Variants in NLRP14 observed in about 807,000 individuals in gnomAD.
The protein encoded by NLRP14 is NACHT, LRR and PYD domains-containing protein 14.
A neutral mutation model predicts 94.7 loss-of-function variants in NLRP14; 105 were observed. The observed-to-expected ratio is 1.11, with a 90% CI of 0.95 to 1.30. The LOEUF is 1.30. Ranked by LOEUF, NLRP14 falls within the 50% of genes most tolerant of loss-of-function variation. The pLI, the probability that NLRP14 is intolerant of heterozygous loss-of-function variation, is 0.00. For missense variants in NLRP14, 1,362 were observed against 1,254.1 expected, an observed-to-expected ratio of 1.09 and a Z score of -1.30; for synonymous variants, 508 against 459.9, an observed-to-expected ratio of 1.10 and a Z score of -1.34.
In NLRP14 at chr11:7,049,689, C is replaced by A. The variant is rs751072403; in HGVS notation, c.2142C>A (p.Phe714Leu). Residue 714 changes from phenylalanine (F) to leucine (L), a missense_variant, in exon 6 of 12, where the codon TTC becomes TTA. Physicochemically the swap from Phe to Leu is conservative, Grantham distance 22. Coordinates refer to ENST00000299481, the MANE Select transcript of NLRP14 (RefSeq NM_176822.4). The stretch of plus-strand genomic sequence containing the variant: ...TCTGAAGGTTGAAATTTATCACTTT[C>A]CCTGATGGTTGTCAGGATATCTCTA... Reference protein sequence around the residue: ...LQKLLLKFITFPDGCQDISTS... With the variant: ...LQKLLLKFITLPDGCQDISTS... 4 of 1,612,422 alleles carry A rather than the reference C, an allele frequency of 2.5e-6. No individual in the cohort carries two copies. Among genetic ancestry groups the A allele is most frequent in the South Asian group, 1.1e-5 (1 of 91,064 alleles).
downstream of NLRP14, among the ~76,000 whole-genome samples, chr11:7,076,147 C>T (rs1230948946): frequency 3.9e-5 from 6 of 152,108 alleles, no homozygotes; most frequent in Non-Finnish European, 8.8e-5. Flanking sequence ...GATATTTTTG[C>T]ACTAACTTTT....
At chr11:7,039,872 A>C (rs1852221872) in intron 3 of NLRP14, 87 bp downstream of exon 3, 1 of 1,048,584 alleles carries the variant, frequency 9.5e-7, no homozygotes. Context: ...ACTTTTGTTC[A>C]AATCTTGTTA....
Position 7,042,684 on chromosome 11 carries a change from G to T in NLRP14, c.658G>T (p.Glu220Ter), listed in dbSNP as rs748138495. ...GTATGTTTTTTATCTCAATGGGAGAGAAATTAACCAGCTGAAAGAGAGAAG... is the reference window on the plus strand; with the variant it reads ...GTATGTTTTTTATCTCAATGGGAGATAAATTAACCAGCTGAAAGAGAGAAG... ...FKYVFYLNGR[E>*]INQLKERSFA... Residue 220 changes from glutamate to a stop codon, truncating the protein, a stop_gained, in exon 4 of 12, where the codon GAA (glutamate) becomes TAA (stop). Transcript: ENST00000299481. LOFTEE classifies it high-confidence loss of function. The T allele has an allele frequency of 1.6e-5, 26 of 1,614,106 alleles. No individual in the cohort carries two copies. The highest frequency in any genetic ancestry group is 1.6e-5 in the Non-Finnish European group (19 of 1,180,038).
Position 7,038,639 on chromosome 11 carries a change from A to G in NLRP14, c.53A>G (p.Tyr18Cys), listed in dbSNP as rs975824900. ...SFFPDFGLLL[Y>C]LEELNKEELN... ...TTTCCTGATTTTGGGCTGCTATTGT[A>G]TTTGGAGGAGCTAAACAAAGAGGAA... The change falls in exon 2 of 12, where the codon TAT becomes TGT. Residue 18 changes from tyrosine to cysteine, a missense_variant. Transcript: ENST00000299481. 1 of 1,613,810 alleles carries G rather than the reference A, an allele frequency of 6.2e-7. No individual in the cohort carries two copies. Among genetic ancestry groups the G allele is most frequent in the Non-Finnish European group, 8.5e-7 (1 of 1,179,898 alleles).
In NLRP14 at chr11:7,071,486, G is replaced by A. The variant is rs552153953; in HGVS notation, c.*178G>A. Among the ~76,000 whole-genome samples, 2 of 149,878 alleles carry A rather than the reference G, an allele frequency of 1.3e-5. No homozygotes were observed. The highest frequency in any genetic ancestry group is 3.0e-5 in the Non-Finnish European group (2 of 67,650). On this transcript the variant is annotated 3_prime_UTR_variant, in exon 12 of 12. Transcript: ENST00000299481. ...AATGTCTGTTCTACTTCACACAGTG[G>A]TCGAGAGGCTAAAATAAAATGAAAA...
chr11:7,085,665 T>C, the NLRP14 span, among the ~76,000 whole-genome samples: 5 of 150,394 alleles, frequency 3.3e-5, no homozygotes, highest in Non-Finnish European at 7.4e-5. Context: ...AAGTCCCTGA[T>C]ATAAAATTAT....
chr11:7,052,778 A>C (rs1418609537), intron 6 of NLRP14, among the ~76,000 whole-genome samples: 1 of 152,208 alleles, frequency 6.6e-6, no homozygotes, highest in East Asian at 1.9e-4. Context: ...CTTCTTCAGG[A>C]GTGAGGAAAC....
chr11:7,043,906 G>A lies in NLRP14; in HGVS notation c.1880G>A (p.Cys627Tyr). The A allele has an allele frequency of 6.2e-7, 1 of 1,614,134 alleles. No homozygotes were observed. The highest frequency in any genetic ancestry group is 8.5e-7 in the Non-Finnish European group (1 of 1,179,982). Residue 627 changes from cysteine (C) to tyrosine (Y), a missense_variant, in exon 4 of 12, where the codon TGT (cysteine) becomes TAT (tyrosine). By Grantham distance (194) the Cys-to-Tyr change is radical. Coordinates refer to ENST00000299481, the MANE Select transcript of NLRP14 (RefSeq NM_176822.4). ...VSSFCLKHCR[C>Y]LRTIRLSVTV... ...TCTTTCTGCCTTAAGCACTGCCGGTGTTTGCGGACCATCAGGCTGTCTGTA... is the reference window on the plus strand; with the variant it reads ...TCTTTCTGCCTTAAGCACTGCCGGTATTTGCGGACCATCAGGCTGTCTGTA...
rs777398619 is a variant in NLRP14, at chr11:7,071,353, T to C, written c.*45T>C. 3.3e-6 allele frequency: 5 copies of C among 1,508,450 alleles called. No individual in the cohort carries two copies. The South Asian group carries it at 4.6e-5, about 14-fold the overall frequency. The allele number at this position is 1,508,450 out of a possible 1,614,324, so 93.4% of individuals were successfully genotyped here. On this transcript the variant is annotated 3_prime_UTR_variant, in exon 12 of 12. Coordinates refer to ENST00000299481, the MANE Select transcript of NLRP14 (RefSeq NM_176822.4). The stretch of plus-strand genomic sequence containing the variant: ...CTTTAAAAATATAAATATAAATACA[T>C]ACATACATAGATATATACCCAGACT...
chr11:7,037,579 A>G (rs1448079911), intron 1 of NLRP14, among the ~76,000 whole-genome samples: 1 of 152,170 alleles, frequency 6.6e-6, no homozygotes, highest in African/African-American at 2.4e-5. Flanking sequence ...GGTGCTTGGG[A>G]GAGTATGGAT....
intron 10 of NLRP14, among the ~76,000 whole-genome samples, chr11:7,069,213 AGATTTTG>A (rs1434737846): frequency 6.6e-6 from 1 of 152,190 alleles, no homozygotes; most frequent in Non-Finnish European, 1.5e-5. Context: ...CCCCTAAGGA[AGATTTTG>A]TGTGATATTT....
chr11:7,079,801 C>G, the NLRP14 span, among the ~76,000 whole-genome samples: 3 of 152,236 alleles, frequency 2.0e-5, no homozygotes, highest in Non-Finnish European at 2.9e-5. Context: ...TCTAATGCAG[C>G]TTCTGCTTCT....
intron 1 of NLRP14, among the ~76,000 whole-genome samples, chr11:7,021,037 C>T (rs1389107624): frequency 6.6e-6 from 1 of 152,126 alleles, no homozygotes; most frequent in East Asian, 1.9e-4. Context: ...CATCTTTGGG[C>T]CCTGTCCTTC....
chr11:7,060,329 T>TTG (rs1188390794), intron 9 of NLRP14, among the ~76,000 whole-genome samples: 1 of 152,038 alleles, frequency 6.6e-6, no homozygotes, highest in Non-Finnish European at 1.5e-5. Flanking sequence ...CTTTCCTTGG[T>TTG]TGTGCCCCAG....
intron 1 of NLRP14, among the ~76,000 whole-genome samples, chr11:7,028,825 C>A (rs1852050999): frequency 6.6e-6 from 1 of 151,936 alleles, no homozygotes; most frequent in Admixed American, 6.6e-5. Context: ...GCTTTAGGTA[C>A]TGAGAATTAA....
At chr11:7,039,003 C>A in intron 2 of NLRP14, 128 bp downstream of exon 2, 4 of 828,494 alleles carry the variant, frequency 4.8e-6, no homozygotes, top group Admixed American at 7.0e-5. Flanking sequence ...CCATGGTGGT[C>A]TTGTGCATGG....
chr11:7,089,743 G>A, the NLRP14 span: 4 of 1,551,252 alleles, frequency 2.6e-6, no homozygotes, highest in Non-Finnish European at 3.5e-6. Flanking sequence ...CCCTACCTGG[G>A]CCCGCGGGAT....
rs757690177 is a variant in NLRP14, at chr11:7,042,637, GTC to G, written c.615_616del (p.Tyr206ProfsTer5). 7 of 1,614,022 alleles carry G rather than the reference GTC, an allele frequency of 4.3e-6. No homozygotes were observed. Among genetic ancestry groups the G allele is most frequent in the Non-Finnish European group, 5.9e-6 (7 of 1,179,976 alleles). Reference sequence around the variant, plus strand: ...GCAATGTTAGATTGGGCAGAGGGCAGTCTCTACCAGCAGAGGTTTAAGTATGT... The same window carrying G: ...GCAATGTTAGATTGGGCAGAGGGCAGTCTACCAGCAGAGGTTTAAGTATGT... On this transcript the variant is annotated frameshift_variant, in exon 4 of 12. Transcript: ENST00000299481. LOFTEE classifies it high-confidence loss of function.
At chr11:7,077,840 G>C in the NLRP14 span, among the ~76,000 whole-genome samples, 3 of 152,180 alleles carry the variant, frequency 2.0e-5, no homozygotes, top group Non-Finnish European at 4.4e-5. Context: ...CAACATGTGA[G>C]AATTCAAGAT....
Sources: allele counts gnomAD v4.1 joint callset (sites outside exome capture counted in the v4.1 genomes callset), GRCh38; gene constraint gnomAD v4.1.1; transcripts MANE v1.5; gene names NCBI Gene and HGNC (gene_info 2026-07-23, HGNC 2026-07-21).